Variants in SLC5A12 observed in about 807,000 individuals in gnomAD.
SLC5A12 encodes the protein sodium-coupled monocarboxylate transporter 2.
Under a neutral mutation model 72.7 loss-of-function variants are expected in SLC5A12, and 46 were observed. That is an observed-to-expected ratio of 0.63 (90% confidence interval 0.50 to 0.81). The LOEUF (loss-of-function observed/expected upper bound fraction) is 0.81, where lower values mean the gene tolerates loss of function less well. Among genes scored for constraint, SLC5A12 ranks in the 30% least tolerant of loss-of-function variants. The pLI is 0.00. For missense variants in SLC5A12, 683 were observed against 740.7 expected (o/e 0.92, Z 0.90); for synonymous variants, 275 against 264.4 (o/e 1.04, Z -0.39).
At chr11:26,672,501 C>G (rs1364240254) in intron 14 of SLC5A12, among the ~76,000 whole-genome samples, 2 of 152,096 alleles carry the variant, frequency 1.3e-5, no homozygotes, top group Admixed American at 6.6e-5. Context: ...CTTTGAGTGA[C>G]CATTGCACTC....
rs1854089682 is a variant in SLC5A12 at position 26,669,501 on chromosome 11, A to T, written c.*1601T>A. The T allele has an allele frequency of 6.6e-6, 1 of 151,264 alleles. No individual in the cohort carries two copies. Among genetic ancestry groups the T allele is most frequent in the Admixed American group, 6.6e-5 (1 of 15,144 alleles). 9.4% of individuals were successfully genotyped at this position (151,264 alleles called of 1,614,324 possible). ...CTTTTGACCCTTTCCCTCTATTCCC[A>T]AATGTATTTTTTTCTCATCTCTCTT... On this transcript the variant is annotated 3_prime_UTR_variant, in exon 15 of 15. Coordinates refer to ENST00000396005, the MANE Select transcript of SLC5A12 (RefSeq NM_178498.4).
chr11:26,697,253 C>T lies in SLC5A12; in HGVS notation c.952-1G>A. ...TCTCCATGACAAAGTACGGCATCAG[C>T]TGAAGAGGAGGCAAAACATAAAAAA... On this transcript the variant is annotated splice_acceptor_variant, in intron 7 of 14. Transcript: ENST00000396005. LOFTEE classifies it high-confidence loss of function. The T allele has an allele frequency of 6.2e-7, 1 of 1,603,418 alleles. No homozygotes were observed. Among genetic ancestry groups the T allele is most frequent in the Admixed American group, 1.7e-5 (1 of 58,224 alleles).
At chr11:26,712,579 T>A (rs1590739422) in intron 2 of SLC5A12, 62 bp downstream of exon 2, 1 of 1,299,374 alleles carries the variant, frequency 7.7e-7, no homozygotes, top group Non-Finnish European at 1.1e-6. Context: ...GCCCCCAAAA[T>A]AAACAAACCT....
At chr11:26,700,022 T>C (rs2133188635) in intron 6 of SLC5A12, among the ~76,000 whole-genome samples, 1 of 152,330 alleles carries the variant, frequency 6.6e-6, no homozygotes, top group East Asian at 1.9e-4. Flanking sequence ...GTTAAAAGTC[T>C]TTATCCTTAA....
intron 13 of SLC5A12, among the ~76,000 whole-genome samples, chr11:26,677,751 C>T (rs1854298039): frequency 6.6e-6 from 1 of 152,106 alleles, no homozygotes; most frequent in African/African-American, 2.4e-5. Context: ...GGCATTGGAG[C>T]TTCAATATAA....
intron 6 of SLC5A12, among the ~76,000 whole-genome samples, chr11:26,699,528 T>G (rs1373493120): frequency 6.6e-6 from 1 of 152,200 alleles, no homozygotes; most frequent in African/African-American, 2.4e-5. Context: ...AGTTTTTATC[T>G]CAAAGTCTAC....
chr11:26,691,976 G>C (rs1005703549), intron 9 of SLC5A12: 1 of 152,338 alleles, frequency 6.6e-6, no homozygotes, highest in African/African-American at 2.4e-5. Flanking sequence ...AGACTAATAT[G>C]ACCATCACAC....
intron 4 of SLC5A12, among the ~76,000 whole-genome samples, chr11:26,708,653 T>C (rs1855147399): frequency 1.3e-5 from 2 of 152,204 alleles, no homozygotes; most frequent in East Asian, 1.9e-4. Context: ...CATGGTACAA[T>C]GACTCAGAAG....
rs1454051535 is a variant in SLC5A12, at chr11:26,709,409, A to C, written c.458-30T>G. The C allele has an allele frequency of 6.4e-5, 100 of 1,557,742 alleles. 1 individual carries two copies. Among genetic ancestry groups the C allele is most frequent in the Non-Finnish European group, 8.5e-5 (97 of 1,141,928 alleles). ...GAAAGAAGAAAAAAATATTAAAAGA[A>C]GTTTCCTTCAAAAAATTAAAAGAGC... On this transcript the variant is annotated intron_variant, in intron 3 of 14. Transcript: ENST00000396005.
intron 12 of SLC5A12, among the ~76,000 whole-genome samples, chr11:26,680,370 TTC>T (rs1327476317): frequency 2.9e-4 from 38 of 130,236 alleles, no homozygotes; most frequent in African/African-American, 9.2e-4. Flanking sequence ...TGTATATATA[TTC>T]ATATATATAT....
intron 9 of SLC5A12, among the ~76,000 whole-genome samples, chr11:26,690,909 G>A (rs1488815688): frequency 6.6e-6 from 1 of 151,664 alleles, no homozygotes; most frequent in Non-Finnish European, 1.5e-5. Context: ...AAGTAAACAT[G>A]TTTTTAATGT....
chr11:26,707,636 C>T (rs1855121597), intron 4 of SLC5A12, among the ~76,000 whole-genome samples: 1 of 151,930 alleles, frequency 6.6e-6, no homozygotes, highest in Admixed American at 6.6e-5. Context: ...CTGATGCTTA[C>T]TCATCTTTGA....
rs1233682956 is a variant in SLC5A12, at chr11:26,668,139, G to A, written c.*2963C>T. 2 of 151,982 alleles carry A rather than the reference G, an allele frequency of 1.3e-5. No individual in the cohort carries two copies. Among genetic ancestry groups the A allele is most frequent in the African/African-American group, 4.8e-5 (2 of 41,394 alleles). 9.4% of individuals were successfully genotyped at this position (151,982 alleles called of 1,614,324 possible). Reference sequence around the variant, plus strand: ...TAGATTTGTGTCAGAACTCGTGTTTGAACCTAAGCCATTTGACTGCAGTTC... The same window carrying A: ...TAGATTTGTGTCAGAACTCGTGTTTAAACCTAAGCCATTTGACTGCAGTTC... On this transcript the variant is annotated 3_prime_UTR_variant, in exon 15 of 15. Transcript: ENST00000396005.
intron 12 of SLC5A12, among the ~76,000 whole-genome samples, chr11:26,680,536 C>G (rs1854386817): frequency 1.3e-5 from 2 of 151,286 alleles, no homozygotes; most frequent in African/African-American, 4.9e-5. Context: ...ATTTCAAAGT[C>G]CACAATCGTC....
chr11:26,709,428 A>G lies in SLC5A12; in HGVS notation c.458-49T>C, dbSNP rs143032522. The G allele has an allele frequency of 2.3e-3, 3,192 of 1,411,844 alleles. 65 individuals are homozygous for G. The African/African-American group carries it at 0.042, about 18-fold the overall frequency. 87.5% of individuals were successfully genotyped at this position (1,411,844 alleles called of 1,614,324 possible). A position where few individuals can be genotyped will look rare whatever the true frequency, so the allele number is the denominator to read the frequency against. On this transcript the variant is annotated intron_variant, in intron 3 of 14. Transcript: ENST00000396005. ...AAAAGAAGTTTCCTTCAAAAAATTA[A>G]AAGAGCAAGTTTTATGAGGAAAAAG... is the stretch of plus-strand genomic sequence containing the variant.
intron 8 of SLC5A12, among the ~76,000 whole-genome samples, chr11:26,694,669 T>A (rs913161322): frequency 2.6e-5 from 4 of 152,172 alleles, no homozygotes; most frequent in Non-Finnish European, 4.4e-5. Flanking sequence ...AATTCAAGGA[T>A]ATTGCTATTT....
intron 3 of SLC5A12, among the ~76,000 whole-genome samples, chr11:26,710,020 C>T (rs2133208660): frequency 6.6e-6 from 1 of 152,220 alleles, no homozygotes. Flanking sequence ...TCCCCTAGCC[C>T]CCTACCCACC....
rs975003585 is a variant in SLC5A12, at chr11:26,669,451, T to C, written c.*1651A>G. ...CCAAAAATTCTGCTCCTTCTCATTT[T>C]CAGATATTTCTCCAAATGTGACCCC... On this transcript the variant is annotated 3_prime_UTR_variant, in exon 15 of 15. Transcript: ENST00000396005. 1 of 151,934 alleles carries C rather than the reference T, an allele frequency of 6.6e-6. No homozygotes were observed. The highest frequency in any genetic ancestry group is 2.4e-5 in the African/African-American group (1 of 41,404). 9.4% of individuals were successfully genotyped at this position (151,934 alleles called of 1,614,324 possible).
Position 26,692,553 on chromosome 11 carries a change from A to G in SLC5A12, c.1089T>C (p.Asp363=), listed in dbSNP as rs1189855726. ...GATGAGGAAAACAGCTCTTGACAAA[A>G]TCCTCAAAGGTCACTGTTGCCAAGG... is the stretch of plus-strand genomic sequence containing the variant. ...INALATVTFE[D]FVKSCFPHLS... The change falls in exon 9 of 15, where the codon GAT becomes GAC. Residue 363 remains aspartate (D), a synonymous_variant. Transcript: ENST00000396005. 1.2e-6 allele frequency: 2 copies of G among 1,613,982 alleles called. No individual in the cohort carries two copies. The highest frequency in any genetic ancestry group is 1.7e-6 in the Non-Finnish European group (2 of 1,179,970).
Sources: allele counts gnomAD v4.1 joint callset (sites outside exome capture counted in the v4.1 genomes callset), GRCh38; gene constraint gnomAD v4.1.1; transcripts MANE v1.5; gene names NCBI Gene and HGNC (gene_info 2026-07-23, HGNC 2026-07-21).